The following ATRNL1 variants were observed in gnomAD, a reference collection of about 807,000 sequenced individuals.
The protein encoded by ATRNL1 is attractin like 1.
A neutral mutation model predicts 182.7 loss-of-function variants in ATRNL1; 95 were observed. The ratio of observed to expected loss-of-function variants is 0.52; its 90% CI spans 0.44 to 0.62. ATRNL1 has a LOEUF of 0.62. Ranked by LOEUF, ATRNL1 falls within the 20% of genes least tolerant of loss-of-function variation. The pLI, the probability that ATRNL1 is intolerant of heterozygous loss-of-function variation, is 0.00. For synonymous variants in ATRNL1, 576 were observed against 568.3 expected (o/e 1.01, Z -0.19); for missense variants, 1,471 against 1,679.5 (o/e 0.88, Z 2.17).
intron 26 of ATRNL1, among the ~76,000 whole-genome samples, chr10:115,622,389 C>A (rs1857824550): frequency 1.3e-5 from 2 of 152,300 alleles, no homozygotes; most frequent in Admixed American, 6.5e-5. Context: ...AGCTAGCTAT[C>A]CTGTAACTCA....
At chr10:115,605,610 G>T (rs1856833216) in intron 26 of ATRNL1, among the ~76,000 whole-genome samples, 2 of 151,822 alleles carry the variant, frequency 1.3e-5, no homozygotes, top group South Asian at 4.1e-4. Context: ...AGGTTTATTG[G>T]GAAATAACCT....
intron 27 of ATRNL1, among the ~76,000 whole-genome samples, chr10:115,787,509 T>C (rs1280521340): frequency 6.6e-6 from 1 of 152,196 alleles, no homozygotes; most frequent in East Asian, 1.9e-4. Flanking sequence ...TCTCATCATA[T>C]ACTTGCAATA....
Position 115,850,469 on chromosome 10 carries a change from G to T in ATRNL1, c.4018+2478G>T, listed in dbSNP as rs540494259. ...CGTCCAAATATTTAGTGTATGCACA[G>T]CCAATTAAAACTTCACATATTTGAG... On this transcript the variant is annotated intron_variant, in intron 28 of 28. Coordinates refer to ENST00000355044, the MANE Select transcript of ATRNL1 (RefSeq NM_207303.4). Among the ~76,000 whole-genome samples, 5 of 152,244 alleles carry T rather than the reference G, an allele frequency of 3.3e-5. No homozygotes were observed. The South Asian group carries it at 8.3e-4, about 25-fold the overall frequency.
chr10:115,453,221 G>A (rs1847361659), intron 21 of ATRNL1, among the ~76,000 whole-genome samples: 1 of 152,076 alleles, frequency 6.6e-6, no homozygotes, highest in Non-Finnish European at 1.5e-5. Context: ...CTAAAAGTGG[G>A]ATTGCTGGAA....
At chr10:115,891,304 G>A (rs1555111204) in intron 28 of ATRNL1, among the ~76,000 whole-genome samples, 1 of 152,110 alleles carries the variant, frequency 6.6e-6, no homozygotes, top group South Asian at 2.1e-4. Flanking sequence ...TGTTCTGGAA[G>A]AAAAAGGGAG....
chr10:115,186,062 T>C (rs1216318246), intron 8 of ATRNL1, among the ~76,000 whole-genome samples: 1 of 151,778 alleles, frequency 6.6e-6, no homozygotes, highest in Admixed American at 6.6e-5. Context: ...AGAGACATTT[T>C]ATGGAAAGGG....
chr10:115,518,043 T>G (rs1338468484), intron 24 of ATRNL1, among the ~76,000 whole-genome samples: 1 of 151,966 alleles, frequency 6.6e-6, no homozygotes, highest in African/African-American at 2.4e-5. Context: ...AGCTTACATG[T>G]ACATGCCAAA....
At chr10:115,727,018 G>A (rs1214747622) in intron 26 of ATRNL1, among the ~76,000 whole-genome samples, 1 of 152,072 alleles carries the variant, frequency 6.6e-6, no homozygotes. Context: ...GCAGGATGGA[G>A]GTCAGGGGAA....
chr10:115,897,975 G>A (rs1263108561), intron 28 of ATRNL1, among the ~76,000 whole-genome samples: 2 of 151,798 alleles, frequency 1.3e-5, no homozygotes, highest in African/African-American at 2.4e-5. Context: ...TACCAGGCTG[G>A]AGTGCAATGG....
chr10:115,623,878 A>G (rs1857928030), intron 26 of ATRNL1, among the ~76,000 whole-genome samples: 1 of 152,182 alleles, frequency 6.6e-6, no homozygotes, highest in Non-Finnish European at 1.5e-5. Flanking sequence ...ACTACATTTC[A>G]ACGGGGCCAA....
At chr10:115,293,982 C>T (rs917974430) in intron 15 of ATRNL1, among the ~76,000 whole-genome samples, 8 of 152,282 alleles carry the variant, frequency 5.3e-5, no homozygotes, top group Middle Eastern at 3.4e-3. Context: ...TAAGCTTCTT[C>T]GACCTGCATG....
chr10:115,514,183 A>G (rs1355010817), intron 24 of ATRNL1, among the ~76,000 whole-genome samples: 1 of 151,894 alleles, frequency 6.6e-6, no homozygotes, highest in Non-Finnish European at 1.5e-5. Flanking sequence ...TGCAGCTGTT[A>G]TTTTTGATAA....
At chr10:115,747,756 A>G (rs1555069554) in intron 27 of ATRNL1, among the ~76,000 whole-genome samples, 1 of 152,034 alleles carries the variant, frequency 6.6e-6, no homozygotes, top group Non-Finnish European at 1.5e-5. Flanking sequence ...GTTGACTTAT[A>G]AACAACAGAA....
chr10:115,636,037 A>G (rs1010005309), intron 26 of ATRNL1, among the ~76,000 whole-genome samples: 4 of 152,198 alleles, frequency 2.6e-5, no homozygotes, highest in African/African-American at 9.6e-5. Context: ...CTTTTGGAGT[A>G]CTGCTAATAT....
chr10:115,285,358 G>GAAC (rs1554918351), intron 14 of ATRNL1, among the ~76,000 whole-genome samples: 6 of 151,960 alleles, frequency 3.9e-5, no homozygotes, highest in Admixed American at 1.3e-4. Flanking sequence ...AGCTGCTTTA[G>GAAC]AACAACTTTA....
intron 27 of ATRNL1, among the ~76,000 whole-genome samples, chr10:115,793,548 G>C (rs1422479792): frequency 7.0e-4 from 2 of 2,866 alleles, no homozygotes; most frequent in Non-Finnish European, 1.2e-3. Context: ...GCTTCATTTA[G>C]TTTAATAATA....
At chr10:115,900,672 CCA>C (rs1952327149) in intron 28 of ATRNL1, among the ~76,000 whole-genome samples, 2 of 152,100 alleles carry the variant, frequency 1.3e-5, no homozygotes, top group Non-Finnish European at 2.9e-5. Flanking sequence ...TTGCTCATGC[CCA>C]CGTAGTTAGG....
chr10:115,597,268 T>A (rs1856303087), intron 26 of ATRNL1, among the ~76,000 whole-genome samples: 1 of 152,170 alleles, frequency 6.6e-6, no homozygotes, highest in South Asian at 2.1e-4. Context: ...AATATTCATA[T>A]GTAAATTTAA....
chr10:115,787,338 C>T lies in ATRNL1; in HGVS notation c.3903+59983C>T, dbSNP rs184508840. On this transcript the variant is annotated intron_variant, in intron 27 of 28. Transcript: ENST00000355044. ...AATATATAGCCAGGCTTTACCCATT[C>T]GGGCCACTAAGACTGATACTCATAG... 7.2e-5 allele frequency among the ~76,000 whole-genome samples: 11 copies of T among 152,250 alleles called. No homozygotes were observed. In the East Asian group the frequency reaches 1.7e-3, roughly 24 times the overall value.
Sources: gnomAD v4.1 joint callset for allele counts (sites outside exome capture counted in the v4.1 genomes callset) on GRCh38, gnomAD v4.1.1 for gene constraint, MANE v1.5 for transcripts, NCBI Gene and HGNC (gene_info 2026-07-23, HGNC 2026-07-21) for gene names.